Variants in HTR2A observed in about 807,000 individuals in gnomAD.
HTR2A encodes 5-HT2 receptor.
A neutral mutation model predicts 31.0 loss-of-function variants in HTR2A; 14 were observed. The observed-to-expected ratio is 0.45, with a 90% CI of 0.30 to 0.71. The LOEUF (loss-of-function observed/expected upper bound fraction) is 0.71. Ranked by LOEUF, HTR2A falls within the 30% of genes least tolerant of loss-of-function variation. The probability of loss-of-function intolerance (pLI) is 0.09; values close to 1 mark genes in which losing one functional copy is unlikely to be tolerated. For synonymous variants in HTR2A, 209 were observed against 225.2 expected (o/e 0.93, Z 0.64); for missense variants, 442 against 573.3 (o/e 0.77, Z 2.34).
Position 46,834,788 on chromosome 13 carries a change from T to A in HTR2A, c.*49A>T, listed in dbSNP as rs901502180. ...TCATATTTTTTTTTTTCCAGATAGG[T>A]GAAAACTTGCTCAGTGTGCCTTCCA... On this transcript the variant is annotated 3_prime_UTR_variant, in exon 4 of 4. Coordinates refer to ENST00000542664, the MANE Select transcript of HTR2A (RefSeq NM_000621.5). 2 of 1,462,192 alleles carry A rather than the reference T, an allele frequency of 1.4e-6. No individual in the cohort carries two copies. The highest frequency in any genetic ancestry group is 1.4e-5 in the African/African-American group (1 of 70,122). The allele number at this position is 1,462,192 out of a possible 1,614,324, so 90.6% of individuals were successfully genotyped here.
At chr13:46,862,121 G>A (rs550568476) in intron 3 of HTR2A, among the ~76,000 whole-genome samples, 11 of 152,304 alleles carry the variant, frequency 7.2e-5, no homozygotes, top group African/African-American at 2.2e-4. Flanking sequence ...AACAGAGAAC[G>A]AGATATGAGT....
chr13:46,868,924 T>G (rs1265866593), intron 3 of HTR2A, among the ~76,000 whole-genome samples: 4 of 152,152 alleles, frequency 2.6e-5, no homozygotes, highest in Non-Finnish European at 5.9e-5. Context: ...CCCAGATATA[T>G]TATTAAATAA....
intron 3 of HTR2A, among the ~76,000 whole-genome samples, chr13:46,840,013 C>G (rs1045937930): frequency 8.5e-5 from 13 of 152,120 alleles, no homozygotes; most frequent in Admixed American, 4.6e-4. Flanking sequence ...CAGTGGCAGT[C>G]CCTAGGGCCC....
rs372914908 is a variant in HTR2A, at chr13:46,841,518, C to T, written c.614-5879G>A. Among the ~76,000 whole-genome samples the T allele has an allele frequency of 3.3e-5, 5 of 151,870 alleles. No individual in the cohort carries two copies. In the East Asian group the frequency reaches 9.7e-4, roughly 29 times the overall value. ...GTTTTAAAAGTTACATTGCCTGAGC[C>T]TCATTCTCGGGGGTTCTGATGTTAG... On this transcript the variant is annotated intron_variant, in intron 3 of 3. Transcript: ENST00000542664.
chr13:46,872,887 A>AATT (rs557905558), intron 3 of HTR2A, among the ~76,000 whole-genome samples: 15 of 151,950 alleles, frequency 9.9e-5, no homozygotes, highest in South Asian at 8.3e-4. Flanking sequence ...ATTTCCCAGT[A>AATT]ATTATTATTA....
chr13:46,835,052 C>G lies in HTR2A; in HGVS notation c.1201G>C (p.Glu401Gln), dbSNP rs779691722. The change falls in exon 4 of 4, where the codon GAA (glutamate) becomes CAA (glutamine). Residue 401 changes from glutamate to glutamine, a missense_variant. By Grantham distance (29) the Glu-to-Gln change is conservative. Around this residue, in one of 5 missense-constraint regions of HTR2A, gnomAD observed 88 missense variants for 83.1 expected, o/e 1.06. Coordinates refer to ENST00000542664, the MANE Select transcript of HTR2A (RefSeq NM_000621.5). ...ATTAACTGCAATGGTTTTTTGTTTT[C>G]CTTGTACTGACACTGAATATACCGT... ...FSRYIQCQYK[E>Q]NKKPLQLILV... The G allele has an allele frequency of 1.5e-5, 24 of 1,613,762 alleles. No homozygotes were observed. Among genetic ancestry groups the G allele is most frequent in the Non-Finnish European group, 1.9e-5 (23 of 1,179,942 alleles).
rs1313092116 is a variant in HTR2A, at chr13:46,835,354, T to C, written c.899A>G (p.His300Arg). Residue 300 changes from histidine to arginine, a missense_variant, in exon 4 of 4, where the codon CAT becomes CGT. By Grantham distance (29) the His-to-Arg change is conservative (BLOSUM62 0). Around this residue, in one of 5 missense-constraint regions of HTR2A, gnomAD observed 174 missense variants for 195.1 expected, o/e 0.89. Transcript: ENST00000542664. ...SSEKLFQRSI[H>R]REPGSYTGRR... Reference sequence around the variant, plus strand: ...GCCTGTGTAGGACCCTGGCTCCCTATGGATCGACCGCTGGAAGAGCTTTTC... The same window carrying C: ...GCCTGTGTAGGACCCTGGCTCCCTACGGATCGACCGCTGGAAGAGCTTTTC... The C allele has an allele frequency of 1.2e-6, 2 of 1,614,072 alleles. No homozygotes were observed. Among genetic ancestry groups the C allele is most frequent in the Non-Finnish European group, 1.7e-6 (2 of 1,179,988 alleles).
chr13:46,886,090 T>C (rs541462941), intron 3 of HTR2A, among the ~76,000 whole-genome samples: 1 of 152,388 alleles, frequency 6.6e-6, no homozygotes, highest in East Asian at 1.9e-4. Context: ...TTCTTCTTTA[T>C]GGCATCTGCA....
intron 3 of HTR2A, among the ~76,000 whole-genome samples, chr13:46,863,221 ACT>A (rs370138582): frequency 7.2e-5 from 11 of 152,336 alleles, no homozygotes; most frequent in African/African-American, 1.7e-4. Context: ...AAAAGGCTTA[ACT>A]CTCACTTTTA....
At chr13:46,862,514 G>C (rs995064269) in intron 3 of HTR2A, among the ~76,000 whole-genome samples, 1 of 152,164 alleles carries the variant, frequency 6.6e-6, no homozygotes, top group Non-Finnish European at 1.5e-5. Flanking sequence ...TCCATTTTGG[G>C]ATAGATAAAA....
At chr13:46,856,001 A>T (rs1255119961) in intron 3 of HTR2A, 1 of 152,180 alleles carries the variant, frequency 6.6e-6, no homozygotes, top group African/African-American at 2.4e-5. Flanking sequence ...AAATAGTAAG[A>T]TTAGAGACCT....
At chr13:46,864,458 A>G (rs1174692883) in intron 3 of HTR2A, among the ~76,000 whole-genome samples, 2 of 152,138 alleles carry the variant, frequency 1.3e-5, no homozygotes. Flanking sequence ...GAGATGAAAA[A>G]TATTTTAAAA....
intron 3 of HTR2A, among the ~76,000 whole-genome samples, chr13:46,882,678 A>G (rs1458632066): frequency 1.3e-5 from 2 of 152,264 alleles, no homozygotes; most frequent in Non-Finnish European, 2.9e-5. Context: ...GTAAGATGTG[A>G]TAACACAAAG....
intron 3 of HTR2A, among the ~76,000 whole-genome samples, chr13:46,891,529 C>T (rs1227729516): frequency 6.6e-6 from 1 of 152,198 alleles, no homozygotes; most frequent in Admixed American, 6.5e-5. Context: ...TGTGGATAAG[C>T]TCACTCAAGC....
intron 3 of HTR2A, among the ~76,000 whole-genome samples, chr13:46,874,025 G>T (rs546927385): frequency 5.9e-5 from 9 of 152,226 alleles, no homozygotes; most frequent in Admixed American, 3.3e-4. Context: ...AGTCAGAAAT[G>T]AAACCTCATT....
intron 3 of HTR2A, among the ~76,000 whole-genome samples, chr13:46,836,038 ATATT>A (rs888058102): frequency 6.6e-6 from 1 of 151,888 alleles, no homozygotes; most frequent in African/African-American, 2.4e-5. Context: ...ATTTATTTAT[ATATT>A]TATTTATTTT....
At chr13:46,837,809 C>A (rs748763809) in intron 3 of HTR2A, among the ~76,000 whole-genome samples, 2 of 152,224 alleles carry the variant, frequency 1.3e-5, no homozygotes, top group Non-Finnish European at 2.9e-5. Context: ...CAACACAAAT[C>A]TTTCTTAGTG....
chr13:46,871,659 T>A (rs1398551950), intron 3 of HTR2A, among the ~76,000 whole-genome samples: 1 of 152,196 alleles, frequency 6.6e-6, no homozygotes, highest in South Asian at 2.1e-4. Context: ...CACAGAGACA[T>A]GAGTTGCAGA....
At chr13:46,866,330 C>T (rs567588947) in intron 3 of HTR2A, among the ~76,000 whole-genome samples, 52 of 152,042 alleles carry the variant, frequency 3.4e-4, no homozygotes, top group Admixed American at 5.9e-4. Context: ...CTCGTGGTTC[C>T]TCCCTTCTCT....
Sources: gnomAD v4.1 joint callset for allele counts (sites outside exome capture counted in the v4.1 genomes callset) on GRCh38, gnomAD v4.1.1 for gene constraint, gnomAD v4.1.1 regional missense constraint, MANE v1.5 for transcripts, NCBI Gene and HGNC (gene_info 2026-07-23, HGNC 2026-07-21) for gene names.